KTN1: variants seen among roughly 807,000 people sequenced by gnomAD.
KTN1 encodes the protein kinectin.
Under a neutral mutation model 222.5 loss-of-function variants are expected in KTN1, and 130 were observed. The ratio of observed to expected loss-of-function variants is 0.58; its 90% CI spans 0.51 to 0.68. The LOEUF (loss-of-function observed/expected upper bound fraction) is 0.68, where lower values mean the gene tolerates loss of function less well. KTN1 is among the 30% of genes least tolerant of loss of function. KTN1 has a pLI of 0.00. For missense variants in KTN1, 1,508 were observed against 1,500.4 expected (o/e 1.01, Z -0.08); for synonymous variants, 512 against 496.3 (o/e 1.03, Z -0.42).
intron 14 of KTN1, 93 bp downstream of exon 14, chr14:55,640,096 G>A (rs2041615087): frequency 1.3e-6 from 1 of 795,452 alleles, no homozygotes; most frequent in South Asian, 1.6e-5. Flanking sequence ...TATGAAAAAT[G>A]GAAAATAGTC....
intron 18 of KTN1, among the ~76,000 whole-genome samples, chr14:55,642,486 C>A (rs1268485889): frequency 6.6e-6 from 1 of 152,178 alleles, no homozygotes; most frequent in African/African-American, 2.4e-5. Flanking sequence ...TACTCTTCTT[C>A]TACGCAGCTC....
intron 29 of KTN1, among the ~76,000 whole-genome samples, chr14:55,657,397 G>T (rs545195002): frequency 1.7e-4 from 24 of 137,662 alleles, no homozygotes; most frequent in South Asian, 9.4e-4. Context: ...CTGAGTTGAC[G>T]TTTTTTTTTT....
chr14:55,606,892 T>A (rs1244413183), intron 1 of KTN1, among the ~76,000 whole-genome samples: 1 of 152,168 alleles, frequency 6.6e-6, no homozygotes, highest in Non-Finnish European at 1.5e-5. Flanking sequence ...ACACAAAACT[T>A]TTAGTCTTTC....
At chr14:55,663,706 T>G (rs778817188) in intron 32 of KTN1, 27 of 370,876 alleles carry the variant, frequency 7.3e-5, no homozygotes, top group Non-Finnish European at 1.1e-4. Context: ...TTGTCACATG[T>G]GCATAGTAAT....
At chr14:55,669,617 A>C (rs1016279212) in intron 34 of KTN1, among the ~76,000 whole-genome samples, 7 of 152,008 alleles carry the variant, frequency 4.6e-5, no homozygotes, top group Non-Finnish European at 8.8e-5. Context: ...CCTAGAAGGA[A>C]ATTTACAAAC....
intron 12 of KTN1, 79 bp downstream of exon 12, chr14:55,637,926 A>T: frequency 2.0e-6 from 2 of 1,010,220 alleles, no homozygotes; most frequent in Non-Finnish European, 3.0e-6. Context: ...TTGAGTGCCA[A>T]TTACTGGATT....
intron 24 of KTN1, chr14:55,651,486 G>A: frequency 5.0e-6 from 2 of 398,606 alleles, no homozygotes; most frequent in Non-Finnish European, 9.8e-6. Flanking sequence ...ATACAGTAGG[G>A]AGGTGTGTGG....
intron 1 of KTN1, among the ~76,000 whole-genome samples, chr14:55,597,784 G>C (rs1232261555): frequency 1.3e-5 from 2 of 152,220 alleles, no homozygotes; most frequent in South Asian, 4.1e-4. Context: ...AGCCCGGGAG[G>C]GGGAGGATGC....
rs755238401 is a variant in KTN1, at chr14:55,630,021, C to T, written c.1145C>T (p.Thr382Ile). 6.2e-7 allele frequency: 1 copy of T among 1,600,564 alleles called. No homozygotes were observed. The highest frequency in any genetic ancestry group is 1.1e-5 in the South Asian group (1 of 90,778). The change falls in exon 7 of 44, where the codon ACA (threonine) becomes ATA (isoleucine). Residue 382 changes from threonine (T) to isoleucine (I), a missense_variant. Transcript: ENST00000395314. ...ACAAGGATGAAAGATCGAATTGGAA[C>T]ATTAGAAAAGGAACATAATGTATTT... ...VITRMKDRIG[T>I]LEKEHNVFQN...
intron 43 of KTN1, chr14:55,681,004 T>A (rs981398785): frequency 5.9e-5 from 16 of 271,720 alleles, no homozygotes; most frequent in African/African-American, 8.8e-5. Context: ...CTTGAAAACA[T>A]GCTCAGATGG....
intron 32 of KTN1, among the ~76,000 whole-genome samples, chr14:55,662,473 T>G (rs1226274577): frequency 1.3e-5 from 2 of 152,180 alleles, no homozygotes; most frequent in Admixed American, 6.5e-5. Flanking sequence ...GAAGGGATAG[T>G]GCTTTCAGAA....
At chr14:55,658,830 A>G (rs1252381944) in intron 30 of KTN1, among the ~76,000 whole-genome samples, 1 of 152,202 alleles carries the variant, frequency 6.6e-6, no homozygotes, top group Non-Finnish European at 1.5e-5. Flanking sequence ...TATTGCCGGT[A>G]TTCCAGCTCT....
chr14:55,624,541 A>G (rs2039553008), intron 5 of KTN1, among the ~76,000 whole-genome samples: 4 of 152,204 alleles, frequency 2.6e-5, no homozygotes, highest in Admixed American at 2.6e-4. Flanking sequence ...TTTACAATTA[A>G]CATATTTCTC....
At chr14:55,625,405 G>A (rs980611824) in intron 5 of KTN1, among the ~76,000 whole-genome samples, 2 of 152,088 alleles carry the variant, frequency 1.3e-5, no homozygotes, top group Non-Finnish European at 2.9e-5. Context: ...TGGGCCCCAT[G>A]CTGTGTAGCA....
chr14:55,581,383 C>T (rs2031574543), intron 1 of KTN1, among the ~76,000 whole-genome samples: 2 of 152,188 alleles, frequency 1.3e-5, no homozygotes, highest in Admixed American at 1.3e-4. Flanking sequence ...CAAACGGATT[C>T]CTTAGCCGCT....
intron 31 of KTN1, among the ~76,000 whole-genome samples, chr14:55,660,052 T>C (rs2043949050): frequency 6.6e-6 from 1 of 152,192 alleles, no homozygotes; most frequent in Admixed American, 6.5e-5. Context: ...ATTGTGTAAT[T>C]GAATGATGCA....
Position 55,673,178 on chromosome 14 carries a change from G to A in KTN1, c.3694G>A (p.Asp1232Asn), listed in dbSNP as rs754702168. ...TYVTEVRELK[D>N]LLTELQKKLD... The stretch of plus-strand genomic sequence containing the variant: ...ACTCTAAACTTCATTGCAGCTGAAA[G>A]ATCTGTTGACTGAATTGCAGAAAAA... Residue 1232 changes from aspartate (D) to asparagine (N), a missense_variant, in exon 40 of 44, where the codon GAT becomes AAT. Transcript: ENST00000395314. 2.5e-6 allele frequency: 4 copies of A among 1,611,984 alleles called. No individual in the cohort carries two copies. The East Asian group carries it at 8.9e-5, about 36-fold the overall frequency.
At chr14:55,592,384 G>A (rs2034300457) in intron 1 of KTN1, among the ~76,000 whole-genome samples, 1 of 152,142 alleles carries the variant, frequency 6.6e-6, no homozygotes, top group South Asian at 2.1e-4. Flanking sequence ...TGACAGTATG[G>A]AGTTGTTTCG....
At chr14:55,631,343 TATATATA>T (rs1257599050) in intron 7 of KTN1, among the ~76,000 whole-genome samples, 2 of 99,022 alleles carry the variant, frequency 2.0e-5, no homozygotes, top group Non-Finnish European at 4.2e-5. Context: ...ATAAGGTTGA[TATATATA>T]TATATATATA....
Sources: gnomAD v4.1 joint callset for allele counts (sites outside exome capture counted in the v4.1 genomes callset) on GRCh38, gnomAD v4.1.1 for gene constraint, MANE v1.5 for transcripts, NCBI Gene and HGNC (gene_info 2026-07-23, HGNC 2026-07-21) for gene names.